DRC11: variants seen among roughly 807,000 people sequenced by gnomAD.
DRC11 encodes the protein IQ and AAA domain-containing protein 1.
At chr2:236,447,383 T>C in the DRC11 span, among the ~76,000 whole-genome samples, 1 of 151,620 alleles carries the variant, frequency 6.6e-6, no homozygotes, top group Admixed American at 6.6e-5. This position sits in a 1 kb window ranked among gnomAD's most constrained non-coding sequence, Gnocchi z 4.6. Flanking sequence ...CGCTGGGAGC[T>C]GGCGAGGAGA....
the DRC11 span, among the ~76,000 whole-genome samples, chr2:236,346,968 C>T: frequency 1.3e-5 from 2 of 152,226 alleles, no homozygotes; most frequent in African/African-American, 4.8e-5. Flanking sequence ...CGCACAACTC[C>T]AGTGAACACA....
the DRC11 span, among the ~76,000 whole-genome samples, chr2:236,434,259 G>A: frequency 4.6e-5 from 7 of 152,130 alleles, no homozygotes; most frequent in South Asian, 6.2e-4. The surrounding 1 kb of genome is among the most constrained non-coding windows in gnomAD (Gnocchi z 5.5). Flanking sequence ...TGTTATGCTC[G>A]TTTCATAAAA....
chr2:236,425,218 T>C, the DRC11 span, among the ~76,000 whole-genome samples: 1 of 152,006 alleles, frequency 6.6e-6, no homozygotes, highest in Non-Finnish European at 1.5e-5. Flanking sequence ...TATTTTTCAT[T>C]TTTTGAGGAA....
At chr2:236,329,431 G>A in the DRC11 span, among the ~76,000 whole-genome samples, 5 of 152,168 alleles carry the variant, frequency 3.3e-5, no homozygotes, top group East Asian at 1.9e-4. Context: ...CAGTCAATAC[G>A]TATTAGCTAA....
chr2:236,400,710 C>A, the DRC11 span, among the ~76,000 whole-genome samples: 1 of 152,186 alleles, frequency 6.6e-6, no homozygotes, highest in Non-Finnish European at 1.5e-5. The surrounding 1 kb of genome is among the most constrained non-coding windows in gnomAD (Gnocchi z 7.9). Context: ...CCAGAGCACG[C>A]CCTGACTCTG....
the DRC11 span, among the ~76,000 whole-genome samples, chr2:236,357,930 A>G: frequency 2.8e-5 from 3 of 108,486 alleles, no homozygotes; most frequent in Admixed American, 2.1e-4. Context: ...ATATAAATTC[A>G]TATATGAATA....
the DRC11 span, among the ~76,000 whole-genome samples, chr2:236,356,602 A>G: frequency 2.0e-5 from 3 of 152,098 alleles, no homozygotes; most frequent in East Asian, 5.8e-4. Flanking sequence ...CACTTTTCTC[A>G]TCTGTAAAAT....
At chr2:236,353,497 A>C in the DRC11 span, among the ~76,000 whole-genome samples, 2 of 152,126 alleles carry the variant, frequency 1.3e-5, no homozygotes, top group African/African-American at 4.8e-5. The surrounding 1 kb of genome is among the most constrained non-coding windows in gnomAD (Gnocchi z 5.0). Flanking sequence ...TTCGGCATGC[A>C]TGGGTTATGA....
the DRC11 span, among the ~76,000 whole-genome samples, chr2:236,359,064 C>G: frequency 0.18 from 26,830 of 151,706 alleles, 2,608 homozygotes; most frequent in Non-Finnish European, 0.23. The surrounding 1 kb of genome is among the most constrained non-coding windows in gnomAD (Gnocchi z 4.3). Context: ...TCTCATTAGA[C>G]AGGCAAGGGA....
chr2:236,455,725 G>T, the DRC11 span, among the ~76,000 whole-genome samples: 1 of 152,218 alleles, frequency 6.6e-6, no homozygotes, highest in East Asian at 1.9e-4. This position sits in a 1 kb window ranked among gnomAD's most constrained non-coding sequence, Gnocchi z 5.7. Context: ...CACTGAAAGG[G>T]GAGAATTTTA....
chr2:236,340,954 G>A, the DRC11 span, among the ~76,000 whole-genome samples: 2 of 152,132 alleles, frequency 1.3e-5, no homozygotes, highest in African/African-American at 4.8e-5. Context: ...AGAGCCGTCT[G>A]TTATGCACGA....
At chr2:236,464,593 C>G in the DRC11 span, among the ~76,000 whole-genome samples, 1 of 152,140 alleles carries the variant, frequency 6.6e-6, no homozygotes, top group Non-Finnish European at 1.5e-5. Context: ...AAAGAACACC[C>G]TTAAATATGA....
At chr2:236,414,149 T>C in the DRC11 span, among the ~76,000 whole-genome samples, 1 of 152,166 alleles carries the variant, frequency 6.6e-6, no homozygotes, top group Non-Finnish European at 1.5e-5. Flanking sequence ...GATAGATAGT[T>C]TGCAAATATT....
At chr2:236,456,452 CCATCA>C in the DRC11 span, among the ~76,000 whole-genome samples, 1 of 152,128 alleles carries the variant, frequency 6.6e-6, no homozygotes. This position sits in a 1 kb window ranked among gnomAD's most constrained non-coding sequence, Gnocchi z 5.4. Flanking sequence ...GCAGAAGACA[CCATCA>C]CATCACAAGA....
the DRC11 span, among the ~76,000 whole-genome samples, chr2:236,481,471 C>G: frequency 6.6e-6 from 1 of 152,032 alleles, no homozygotes; most frequent in Admixed American, 6.6e-5. Flanking sequence ...CTCTGTGGCC[C>G]TGGAGGTCAA....
At chr2:236,357,052 ATCTAT>A in the DRC11 span, among the ~76,000 whole-genome samples, 1 of 102,316 alleles carries the variant, frequency 9.8e-6, no homozygotes, top group Non-Finnish European at 2.0e-5. Context: ...TATATTATAT[ATCTAT>A]TTATATATTC....
the DRC11 span, among the ~76,000 whole-genome samples, chr2:236,416,352 G>A: frequency 6.6e-6 from 1 of 152,018 alleles, no homozygotes; most frequent in Non-Finnish European, 1.5e-5. Flanking sequence ...CCTTAGACTG[G>A]AGCAATTCCT....
At chr2:236,388,712 C>T in the DRC11 span, among the ~76,000 whole-genome samples, 7 of 150,610 alleles carry the variant, frequency 4.6e-5, no homozygotes, top group East Asian at 5.8e-4. Flanking sequence ...TGAGGAACTG[C>T]GTTCCTTTGG....
the DRC11 span, among the ~76,000 whole-genome samples, chr2:236,493,025 T>G: frequency 6.6e-6 from 1 of 152,200 alleles, no homozygotes; most frequent in African/African-American, 2.4e-5. Flanking sequence ...TGATAAAGAC[T>G]TACCTGAGAC....
Sources: allele counts gnomAD v4.1 joint callset (sites outside exome capture counted in the v4.1 genomes callset), GRCh38; gene constraint gnomAD v4.1.1; non-coding constraint Gnocchi (gnomAD v3.1); transcripts MANE v1.5; gene names NCBI Gene and HGNC (gene_info 2026-07-23, HGNC 2026-07-21).